Variants in SORT1 observed in about 807,000 individuals in gnomAD.
The protein encoded by SORT1 is sortilin 1.
A neutral mutation model predicts 101.7 loss-of-function variants in SORT1; 39 were observed. The observed-to-expected ratio is 0.38, with a 90% CI of 0.30 to 0.50. SORT1 has a LOEUF of 0.50. Ranked by LOEUF, SORT1 falls within the 20% of genes least tolerant of loss-of-function variation. The probability of loss-of-function intolerance (pLI) is 0.90; values close to 1 mark genes in which losing one functional copy is unlikely to be tolerated. For synonymous variants in SORT1, 396 were observed against 393.7 expected, an observed-to-expected ratio of 1.01 and a Z score of -0.07; for missense variants, 878 against 1,040.4, an observed-to-expected ratio of 0.84 and a Z score of 2.15.
intron 12 of SORT1, 68 bp from the exon 13 acceptor site, chr1:109,327,228 G>C: frequency 8.1e-7 from 1 of 1,236,308 alleles, no homozygotes; most frequent in East Asian, 2.4e-5. Context: ...ACTCCAGAGA[G>C]AATAATGTTG....
intron 1 of SORT1, among the ~76,000 whole-genome samples, chr1:109,376,873 T>C (rs946756648): frequency 5.3e-5 from 8 of 152,210 alleles, no homozygotes; most frequent in African/African-American, 9.6e-5. Context: ...CCCCTAAATC[T>C]AAAAGTTGAA....
intron 17 of SORT1, 101 bp from the exon 18 acceptor site, chr1:109,314,879 T>G (rs906137478): frequency 8.1e-5 from 53 of 655,954 alleles, no homozygotes; most frequent in Admixed American, 4.3e-5. Context: ...GTGAATGATC[T>G]GCAGTCCTGA....
rs1649539405 is a variant in SORT1, at chr1:109,345,778, G to C, written c.936C>G (p.Phe312Leu). ...KIYSFGLGGR[F>L]LFASVMADKD... Reference sequence around the variant, plus strand: ...TATCAGCCATCACAGAGGCAAAAAGGAAACGTCCCCCAAGACCAAATGAGT... The same window carrying C: ...TATCAGCCATCACAGAGGCAAAAAGCAAACGTCCCCCAAGACCAAATGAGT... Residue 312 changes from phenylalanine (F) to leucine (L), a missense_variant, in exon 8 of 20, where the codon TTC (phenylalanine) becomes TTG (leucine). Around this residue, in one of 2 missense-constraint regions of SORT1, gnomAD observed 684 missense variants for 894.5 expected, o/e 0.76. Transcript: ENST00000256637. 6.2e-7 allele frequency: 1 copy of C among 1,613,692 alleles called. No homozygotes were observed. Among genetic ancestry groups the C allele is most frequent in the South Asian group, 1.1e-5 (1 of 91,036 alleles).
intron 9 of SORT1, 37 bp from the exon 10 acceptor site, chr1:109,340,916 G>A (rs762433159): frequency 2.5e-5 from 39 of 1,559,058 alleles, no homozygotes; most frequent in Non-Finnish European, 3.3e-5. Flanking sequence ...CTAAGTCTTG[G>A]GTGGAACCAA....
chr1:109,396,763 T>C (rs1653198467), intron 1 of SORT1, among the ~76,000 whole-genome samples: 1 of 152,196 alleles, frequency 6.6e-6, no homozygotes, highest in Admixed American at 6.5e-5. Context: ...ATTATGCAAA[T>C]GTGGCTAGCA....
In SORT1 at chr1:109,397,621, TC is replaced by T; in HGVS notation, c.271del (p.Asp91ThrfsTer35). ...GTTGTTGGCCAGCTTGGCGACGAAG[TC>T]CCGGACCCGGCCGCACTCCTCGTCC... ...GEDEECGRVRDFVAKLANNTH... is the reference protein window; with the variant it reads ...GEDEECGRVRXFVAKLANNTH... On this transcript the variant is annotated frameshift_variant, in exon 1 of 20. Coordinates refer to ENST00000256637, the MANE Select transcript of SORT1 (RefSeq NM_002959.7). LOFTEE classifies it high-confidence loss of function. The T allele has an allele frequency of 1.6e-6, 2 of 1,286,424 alleles. No individual in the cohort carries two copies. The highest frequency in any genetic ancestry group is 2.0e-6 in the Non-Finnish European group (2 of 1,004,404). 79.7% of individuals were successfully genotyped at this position (1,286,424 alleles called of 1,614,324 possible). A position where few individuals can be genotyped will look rare whatever the true frequency, so the allele number is the denominator to read the frequency against.
At position 109,367,496 on chromosome 1, in the gene SORT1, A is replaced by T; in HGVS notation, c.367-15T>A. 1 of 1,505,774 alleles carries T rather than the reference A, an allele frequency of 6.6e-7. No individual in the cohort carries two copies. Among genetic ancestry groups the T allele is most frequent in the Non-Finnish European group, 9.2e-7 (1 of 1,086,938 alleles). The allele number at this position is 1,505,774 out of a possible 1,614,324, so 93.3% of individuals were successfully genotyped here. A position where few individuals can be genotyped will look rare whatever the true frequency, so the allele number is the denominator to read the frequency against. ...ACTAGAATGACCTGGAGAGAGAAAA[A>T]AGCATTCCGTAAATAAAAAAGATAT... On this transcript the variant is annotated splice_polypyrimidine_tract_variant and intron_variant, in intron 2 of 19. Coordinates refer to ENST00000256637, the MANE Select transcript of SORT1 (RefSeq NM_002959.7).
chr1:109,315,385 G>A (rs1658968917), intron 17 of SORT1, among the ~76,000 whole-genome samples: 1 of 152,142 alleles, frequency 6.6e-6, no homozygotes, highest in South Asian at 2.1e-4. Context: ...CTGTGTCCCT[G>A]TGGGTGGGAG....
chr1:109,384,616 C>T (rs1652458926), intron 1 of SORT1, among the ~76,000 whole-genome samples: 1 of 152,078 alleles, frequency 6.6e-6, no homozygotes, highest in Admixed American at 6.5e-5. Flanking sequence ...TTGTCTTAGT[C>T]CATTTTCAGT....
Position 109,313,063 on chromosome 1 carries a change from C to G in SORT1, c.*980G>C, listed in dbSNP as rs959757582. 2 of 152,198 alleles carry G rather than the reference C, an allele frequency of 1.3e-5. No homozygotes were observed. The highest frequency in any genetic ancestry group is 4.8e-5 in the African/African-American group (2 of 41,436). 9.4% of individuals were successfully genotyped at this position (152,198 alleles called of 1,614,324 possible). ...GCCATTGTCATGATTTAGCAACGAG[C>G]CACACGACAGTTAAGAAGGGAACAT... On this transcript the variant is annotated 3_prime_UTR_variant, in exon 20 of 20. Coordinates refer to ENST00000256637, the MANE Select transcript of SORT1 (RefSeq NM_002959.7).
chr1:109,373,621 C>G (rs1181074470), intron 1 of SORT1, among the ~76,000 whole-genome samples: 1 of 152,074 alleles, frequency 6.6e-6, no homozygotes, highest in Non-Finnish European at 1.5e-5. Flanking sequence ...GAAAAATAAC[C>G]CCAGACTTAA....
intron 7 of SORT1, 148 bp downstream of exon 7, chr1:109,347,335 A>C (rs1339745028): frequency 3.5e-6 from 2 of 576,300 alleles, no homozygotes; most frequent in Non-Finnish European, 6.3e-6. Flanking sequence ...TTTACTTTCA[A>C]GATTTTAATA....
intron 10 of SORT1, among the ~76,000 whole-genome samples, chr1:109,338,404 A>T (rs1053477053): frequency 2.6e-5 from 4 of 152,186 alleles, no homozygotes; most frequent in African/African-American, 9.7e-5. Context: ...GGACTTTACA[A>T]AATAAAAACA....
intron 16 of SORT1, 58 bp from the exon 17 acceptor site, chr1:109,317,016 C>T (rs1157358141): frequency 3.6e-6 from 4 of 1,100,782 alleles, no homozygotes; most frequent in Non-Finnish European, 5.4e-6. Context: ...GGGTACCTGC[C>T]TATTTCTTGG....
chr1:109,367,354 CTA>C, intron 3 of SORT1, 52 bp downstream of exon 3: 3 of 998,846 alleles, frequency 3.0e-6, no homozygotes, highest in Non-Finnish European at 3.1e-6. Context: ...AAGGGAGAAT[CTA>C]TATTCTCAAT....
chr1:109,329,823 A>C (rs1037806719), intron 11 of SORT1, among the ~76,000 whole-genome samples: 1 of 152,226 alleles, frequency 6.6e-6, no homozygotes, highest in Non-Finnish European at 1.5e-5. Context: ...ACCAGTAAGG[A>C]AAGAGCAAAC....
chr1:109,325,982 C>T (rs1430920807), intron 13 of SORT1, among the ~76,000 whole-genome samples: 2 of 151,330 alleles, frequency 1.3e-5, no homozygotes, highest in Non-Finnish European at 2.9e-5. Context: ...GCCTGGGTGA[C>T]AAGAGCAAAA....
chr1:109,338,008 A>G (rs1648951246), intron 10 of SORT1, among the ~76,000 whole-genome samples: 1 of 152,236 alleles, frequency 6.6e-6, no homozygotes, highest in Non-Finnish European at 1.5e-5. Flanking sequence ...GTAGGGCGAG[A>G]CAAGCACTAG....
chr1:109,353,998 A>T (rs1650137937), intron 5 of SORT1, among the ~76,000 whole-genome samples: 1 of 152,240 alleles, frequency 6.6e-6, no homozygotes, highest in Non-Finnish European at 1.5e-5. Flanking sequence ...AAAAAATTAG[A>T]AAGATGTTGT....
Sources: allele counts gnomAD v4.1 joint callset (sites outside exome capture counted in the v4.1 genomes callset), GRCh38; gene constraint gnomAD v4.1.1; regional missense constraint gnomAD v4.1.1; transcripts MANE v1.5; gene names NCBI Gene and HGNC (gene_info 2026-07-23, HGNC 2026-07-21).